Variants in PLCE1 observed in about 807,000 individuals in gnomAD.
PLCE1 encodes 1-phosphatidylinositol 4,5-bisphosphate phosphodiesterase epsilon-1.
PLCE1 carries 119 observed loss-of-function variants against 242.8 expected under a neutral mutation model. The ratio of observed to expected loss-of-function variants is 0.49; its 90% CI spans 0.42 to 0.57. The LOEUF is 0.57. Ranked by LOEUF, PLCE1 falls within the 20% of genes least tolerant of loss-of-function variation. PLCE1 has a pLI of 0.00. For synonymous variants in PLCE1, 945 were observed against 1,017.4 expected, an observed-to-expected ratio of 0.93 and a Z score of 1.35; for missense variants, 2,441 against 2,788.8, an observed-to-expected ratio of 0.88 and a Z score of 2.81.
intron 14 of PLCE1, among the ~76,000 whole-genome samples, chr10:94,263,934 A>G (rs777887759): frequency 2.0e-5 from 3 of 152,178 alleles, no homozygotes; most frequent in Non-Finnish European, 4.4e-5. Flanking sequence ...AGAACATGCA[A>G]CAGATTTAGT....
At chr10:94,025,012 T>C (rs2061432122) in intron 1 of PLCE1, among the ~76,000 whole-genome samples, 1 of 152,138 alleles carries the variant, frequency 6.6e-6, no homozygotes, top group Non-Finnish European at 1.5e-5. Flanking sequence ...GATAGAATTT[T>C]TTTTCCCTCC....
At chr10:94,165,402 G>A (rs2047763044) in intron 3 of PLCE1, among the ~76,000 whole-genome samples, 1 of 152,184 alleles carries the variant, frequency 6.6e-6, no homozygotes, top group Non-Finnish European at 1.5e-5. Context: ...AATGAGCGAG[G>A]CTCTGTGGGC....
At chr10:94,219,380 A>G (rs1589368426) in intron 4 of PLCE1, among the ~76,000 whole-genome samples, 1 of 152,228 alleles carries the variant, frequency 6.6e-6, no homozygotes, top group Non-Finnish European at 1.5e-5. Flanking sequence ...TTAAAAATCT[A>G]TCTTCATCTT....
At chr10:94,082,381 G>A (rs2044677205) in intron 2 of PLCE1, among the ~76,000 whole-genome samples, 2 of 152,172 alleles carry the variant, frequency 1.3e-5, no homozygotes, top group Admixed American at 1.3e-4. Flanking sequence ...TTCACAGTGG[G>A]CACGAGATGA....
intron 4 of PLCE1, among the ~76,000 whole-genome samples, chr10:94,180,227 G>T (rs1332568696): frequency 3.9e-5 from 6 of 152,082 alleles, no homozygotes; most frequent in Non-Finnish European, 1.5e-5. Flanking sequence ...CTCGCAATAG[G>T]ATTCAGAATT....
rs761055810 is a variant in PLCE1, at chr10:94,031,342, C to T, written c.296C>T (p.Ala99Val). The change falls in exon 2 of 33, where the codon GCG becomes GTG. Residue 99 changes from alanine (A) to valine (V), a missense_variant. Physicochemically the swap from Ala to Val is moderately conservative, Grantham distance 64. Around this residue, in one of 5 missense-constraint regions of PLCE1, gnomAD observed 393 missense variants for 378.5 expected, o/e 1.04. Transcript: ENST00000371380. Reference protein sequence around the residue: ...KCWEKIMPDSAKNLNINCNNI... With the variant: ...KCWEKIMPDSVKNLNINCNNI... ...TGGGAGAAAATCATGCCAGATTCTGCGAAAAACCTTAACATTAACTGCAAC... is the reference window on the plus strand; with the variant it reads ...TGGGAGAAAATCATGCCAGATTCTGTGAAAAACCTTAACATTAACTGCAAC... 8.2e-5 allele frequency: 133 copies of T among 1,613,606 alleles called. No individual in the cohort carries two copies. Among genetic ancestry groups the T allele is most frequent in the Non-Finnish European group, 9.3e-5 (110 of 1,179,804 alleles).
chr10:94,156,781 G>A lies in PLCE1; in HGVS notation c.1493-14399G>A, dbSNP rs376544156. Among the ~76,000 whole-genome samples the A allele has an allele frequency of 1.1e-4, 17 of 151,992 alleles. No homozygotes were observed. The East Asian group carries it at 3.1e-3, about 28-fold the overall frequency. The stretch of plus-strand genomic sequence containing the variant: ...CAGCCCTCGTCTTGAAGCTATCCAG[G>A]AACCCACCAAAAGTTACCTCATTAG... On this transcript the variant is annotated intron_variant, in intron 3 of 32. Coordinates refer to ENST00000371380, the MANE Select transcript of PLCE1 (RefSeq NM_016341.4).
At chr10:94,294,909 CT>C (rs766555881) in intron 23 of PLCE1, among the ~76,000 whole-genome samples, 6,430 of 101,594 alleles carry the variant, frequency 0.063, 64 homozygotes, top group East Asian at 0.3. Flanking sequence ...CATGATAGAA[CT>C]TTTTTTTTTT....
At chr10:94,248,885 G>A (rs1416873771) in intron 8 of PLCE1, among the ~76,000 whole-genome samples, 1 of 152,146 alleles carries the variant, frequency 6.6e-6, no homozygotes, top group Non-Finnish European at 1.5e-5. Flanking sequence ...ATACATAAGA[G>A]GTACTTGGTT....
intron 19 of PLCE1, among the ~76,000 whole-genome samples, chr10:94,276,568 A>G (rs553538888): frequency 1.3e-5 from 2 of 152,326 alleles, no homozygotes; most frequent in Admixed American, 6.5e-5. Context: ...AATAACAATA[A>G]TAATTCTTAT....
In PLCE1 at chr10:94,172,937, A is replaced by G. The variant is rs563787885; in HGVS notation, c.1809+1441A>G. 2.9e-4 allele frequency among the ~76,000 whole-genome samples: 44 copies of G among 152,352 alleles called. 1 individual carries two copies. The highest frequency in any genetic ancestry group is 3.8e-4 in the Non-Finnish European group (26 of 68,032). On this transcript the variant is annotated intron_variant, in intron 4 of 32. Transcript: ENST00000371380. Reference sequence around the variant, plus strand: ...AATGTCAGTGACCATGATAAGGCCCATGAATACAACGAGTGTTAGAGGCTG... The same window carrying G: ...AATGTCAGTGACCATGATAAGGCCCGTGAATACAACGAGTGTTAGAGGCTG...
At chr10:94,321,639 A>AC (rs1258305772) in intron 29 of PLCE1, among the ~76,000 whole-genome samples, 1 of 151,974 alleles carries the variant, frequency 6.6e-6, no homozygotes, top group Non-Finnish European at 1.5e-5. Flanking sequence ...GAAAAAAAAA[A>AC]AAAAAAACCC....
chr10:94,013,331 C>T (rs1024807722), intron 1 of PLCE1, among the ~76,000 whole-genome samples: 1 of 152,172 alleles, frequency 6.6e-6, no homozygotes, highest in African/African-American at 2.4e-5. Context: ...GAGCATATCA[C>T]CATGCCAAGG....
intron 3 of PLCE1, among the ~76,000 whole-genome samples, chr10:94,135,541 G>A (rs1166797378): frequency 6.6e-6 from 1 of 152,164 alleles, no homozygotes; most frequent in African/African-American, 2.4e-5. Context: ...TATTCTACAA[G>A]TTCATTTCCC....
intron 1 of PLCE1, among the ~76,000 whole-genome samples, chr10:94,016,160 G>A (rs1163996833): frequency 6.6e-6 from 1 of 151,912 alleles, no homozygotes; most frequent in Middle Eastern, 3.2e-3. Context: ...TTAGAACTTT[G>A]GGAAAGGAAT....
chr10:94,113,429 T>G (rs2046017291), intron 2 of PLCE1, among the ~76,000 whole-genome samples: 1 of 152,240 alleles, frequency 6.6e-6, no homozygotes, highest in East Asian at 1.9e-4. Context: ...CAAAATAAAG[T>G]AAATCCTGGT....
chr10:94,129,502 A>G (rs190762332), intron 2 of PLCE1, among the ~76,000 whole-genome samples: 2 of 152,296 alleles, frequency 1.3e-5, no homozygotes, highest in African/African-American at 4.8e-5. Context: ...TCCCTTGTAG[A>G]TAGAATGTTT....
Position 94,220,353 on chromosome 10 carries a change from T to G in PLCE1, c.1810-6953T>G, listed in dbSNP as rs1231562889. Reference sequence around the variant, plus strand: ...GAGAGACTCCATTTCTAAAAAGAAATAAAAGCTTAAAAACTAAACATTTTA... The same window carrying G: ...GAGAGACTCCATTTCTAAAAAGAAAGAAAAGCTTAAAAACTAAACATTTTA... On this transcript the variant is annotated intron_variant, in intron 4 of 32. Coordinates refer to ENST00000371380, the MANE Select transcript of PLCE1 (RefSeq NM_016341.4). Among the ~76,000 whole-genome samples the G allele has an allele frequency of 8.6e-5, 10 of 115,862 alleles. No homozygotes were observed. The Admixed American group carries it at 9.7e-4, about 11-fold the overall frequency. The allele number at this position is 115,862 out of a possible 152,430, so 76.0% of individuals were successfully genotyped here.
chr10:94,068,936 C>T (rs1392131141), intron 2 of PLCE1, among the ~76,000 whole-genome samples: 1 of 152,230 alleles, frequency 6.6e-6, no homozygotes, highest in East Asian at 1.9e-4. Flanking sequence ...TTTTATTTAC[C>T]TCTTATTCAC....
Sources: gnomAD v4.1 joint callset for allele counts (sites outside exome capture counted in the v4.1 genomes callset) on GRCh38, gnomAD v4.1.1 for gene constraint, gnomAD v4.1.1 regional missense constraint, MANE v1.5 for transcripts, NCBI Gene and HGNC (gene_info 2026-07-23, HGNC 2026-07-21) for gene names.